VPS13D: variants seen among roughly 807,000 people sequenced by gnomAD.
VPS13D encodes the protein intermembrane lipid transfer protein VPS13D.
A neutral mutation model predicts 461.9 loss-of-function variants in VPS13D; 187 were observed. The ratio of observed to expected loss-of-function variants is 0.40; its 90% confidence interval spans 0.36 to 0.46. The LOEUF (loss-of-function observed/expected upper bound fraction) is 0.46, where lower values mean the gene tolerates loss of function less well. VPS13D is among the 20% of genes least tolerant of loss of function. The pLI is 0.60. For missense variants in VPS13D, 4,711 were observed against 5,364.9 expected, an observed-to-expected ratio of 0.88 and a Z score of 3.81; for synonymous variants, 1,951 against 1,986.3, an observed-to-expected ratio of 0.98 and a Z score of 0.47.
intron 63 of VPS13D, among the ~76,000 whole-genome samples, chr1:12,414,052 G>A (rs1644764774): frequency 6.6e-6 from 1 of 152,210 alleles, no homozygotes; most frequent in African/African-American, 2.4e-5. Flanking sequence ...GGGATGCCAA[G>A]GCAGGCGGAT....
intron 6 of VPS13D, among the ~76,000 whole-genome samples, chr1:12,251,643 AC>A (rs999004823): frequency 6.6e-6 from 1 of 152,122 alleles, no homozygotes; most frequent in African/African-American, 2.4e-5. Flanking sequence ...CATACTTGAG[AC>A]ACTCATAACT....
intron 5 of VPS13D, among the ~76,000 whole-genome samples, chr1:12,247,974 G>T (rs951280690): frequency 6.7e-6 from 1 of 150,326 alleles, no homozygotes; most frequent in Admixed American, 6.7e-5. Context: ...TGCAAACTCC[G>T]CCTCCCGGGT....
chr1:12,431,827 AC>A (rs914173306), intron 65 of VPS13D, among the ~76,000 whole-genome samples: 2 of 152,052 alleles, frequency 1.3e-5, no homozygotes, highest in Non-Finnish European at 2.9e-5. Context: ...CAGTGAGTAA[AC>A]CCATGCAAAA....
intron 55 of VPS13D, among the ~76,000 whole-genome samples, chr1:12,377,654 T>C (rs909272969): frequency 6.6e-6 from 1 of 151,536 alleles, no homozygotes; most frequent in Non-Finnish European, 1.5e-5. Context: ...ACCCTGTCTC[T>C]ACTAAAAATA....
Position 12,335,760 on chromosome 1 carries a change from G to A in VPS13D, c.8484G>A (p.Lys2828=). 1 of 1,614,098 alleles carries A rather than the reference G, an allele frequency of 6.2e-7. No homozygotes were observed. The highest frequency in any genetic ancestry group is 8.5e-7 in the Non-Finnish European group (1 of 1,179,976). The part of the protein sequence containing the change: ...SWMADYCKDD[K]DIESAKSEDW... ...TGGCAGATTACTGTAAAGATGACAA[G>A]GACATAGAGTCAGCTAAATCAGAAG... Residue 2828 remains lysine (K), a synonymous_variant, in exon 39 of 70, where the codon AAG becomes AAA. Coordinates refer to ENST00000620676, the MANE Select transcript of VPS13D (RefSeq NM_015378.4).
At chr1:12,456,177 G>A (rs764914354) in intron 66 of VPS13D, 47 bp downstream of exon 66, 4 of 1,571,754 alleles carry the variant, frequency 2.5e-6, no homozygotes, top group Non-Finnish European at 2.6e-6. Flanking sequence ...GTCCTCAGAG[G>A]CGCCTTTGTA....
In VPS13D at chr1:12,438,956, G is replaced by A. The variant is rs190007360; in HGVS notation, c.12334-17042G>A. On this transcript the variant is annotated intron_variant, in intron 65 of 69. Coordinates refer to ENST00000620676, the MANE Select transcript of VPS13D (RefSeq NM_015378.4). Reference sequence around the variant, plus strand: ...CATGTCCAGTCCCTCAGCAGATCCCGAATCTGAACATATCCCTCCCGCGCC... The same window carrying A: ...CATGTCCAGTCCCTCAGCAGATCCCAAATCTGAACATATCCCTCCCGCGCC... Among the ~76,000 whole-genome samples the A allele has an allele frequency of 3.4e-4, 52 of 152,198 alleles. 1 individual carries two copies. In the East Asian group the frequency reaches 8.9e-3, roughly 26 times the overall value.
chr1:12,440,144 A>C (rs1645111163), intron 65 of VPS13D, among the ~76,000 whole-genome samples: 1 of 152,112 alleles, frequency 6.6e-6, no homozygotes, highest in Admixed American at 6.5e-5. Flanking sequence ...GGCTCCTCTG[A>C]GAGAGAGAGG....
intron 65 of VPS13D, among the ~76,000 whole-genome samples, chr1:12,434,523 T>C (rs1382999074): frequency 6.6e-6 from 1 of 152,182 alleles, no homozygotes; most frequent in Non-Finnish European, 1.5e-5. Flanking sequence ...TTACACCTAC[T>C]TAAGGAAGAA....
At position 12,290,995 on chromosome 1, in the gene VPS13D, T is replaced by A. The variant is rs1642117365; in HGVS notation, c.5726-3T>A. 4.4e-6 allele frequency: 7 copies of A among 1,606,232 alleles called. No individual in the cohort carries two copies. The highest frequency in any genetic ancestry group is 5.9e-6 in the Non-Finnish European group (7 of 1,177,928). On this transcript the variant is annotated splice_polypyrimidine_tract_variant and splice_region_variant and intron_variant, in intron 22 of 69. Coordinates refer to ENST00000620676, the MANE Select transcript of VPS13D (RefSeq NM_015378.4). ...TAATGTGTTCTAACTTTATCATCCC[T>A]AGAGGGAGACCTGGCCTTACAGGGC...
At chr1:12,251,816 TC>T (rs1469762989) in intron 6 of VPS13D, among the ~76,000 whole-genome samples, 1 of 152,140 alleles carries the variant, frequency 6.6e-6, no homozygotes, top group East Asian at 1.9e-4. Context: ...GGCATAAACT[TC>T]CTTTCCTAAT....
intron 24 of VPS13D, among the ~76,000 whole-genome samples, chr1:12,296,063 T>G (rs908581471): frequency 8.5e-5 from 13 of 152,236 alleles, no homozygotes; most frequent in African/African-American, 3.1e-4. Context: ...TTTCATTCTG[T>G]GTATAAATGA....
At chr1:12,272,268 TG>T (rs1641465944) in intron 17 of VPS13D, among the ~76,000 whole-genome samples, 1 of 152,040 alleles carries the variant, frequency 6.6e-6, no homozygotes. Context: ...GGTGGCACAG[TG>T]AGAAAAAGTG....
intron 67 of VPS13D, among the ~76,000 whole-genome samples, chr1:12,493,201 A>AG (rs1645908722): frequency 6.6e-6 from 1 of 150,924 alleles, no homozygotes; most frequent in Non-Finnish European, 1.5e-5. Context: ...AAAAAAAAAA[A>AG]GGACTGGCCG....
At chr1:12,288,384 T>C (rs548971643) in intron 22 of VPS13D, 71 bp downstream of exon 22, 8 of 1,354,898 alleles carry the variant, frequency 5.9e-6, no homozygotes, top group Non-Finnish European at 8.5e-6. Context: ...TGATCACAAA[T>C]TGATTGTCCT....
rs970121998 is a variant in VPS13D at position 12,473,165 on chromosome 1, ATGGGTGTTT to A, written c.12662+12772_12662+12780del. On this transcript the variant is annotated intron_variant, in intron 67 of 69. Transcript: ENST00000620676. This position sits in a 1 kb window ranked among gnomAD's most constrained non-coding sequence, Gnocchi z 4.2. ...GACTGTACTTAGATCCTGGGTGCTG[ATGGGTGTTT>A]TGTAGTTTCCAAGGGAAGTTGCTGA... Among the ~76,000 whole-genome samples, 1 of 152,148 alleles carries A rather than the reference ATGGGTGTTT, an allele frequency of 6.6e-6. No homozygotes were observed. Among genetic ancestry groups the A allele is most frequent in the African/African-American group, 2.4e-5 (1 of 41,422 alleles).
At position 12,262,028 on chromosome 1, in the gene VPS13D, G is replaced by A. The variant is rs1397757560; in HGVS notation, c.1542G>A (p.Glu514=). 9 of 1,614,060 alleles carry A rather than the reference G, an allele frequency of 5.6e-6. No homozygotes were observed. In the Admixed American group the frequency reaches 1.0e-4, roughly 18 times the overall value. ...QRGTVTLLHK[E]QGTPQMNESA... is the part of the protein sequence containing the mutation. The stretch of plus-strand genomic sequence containing the variant: ...GTACAGTGACTCTGTTACACAAGGA[G>A]CAAGGAACTCCTCAAATGAATGAAA... Residue 514 remains glutamate (E), a synonymous_variant, in exon 13 of 70, where the codon GAG becomes GAA. Transcript: ENST00000620676.
chr1:12,287,007 C>A (rs937053046), intron 21 of VPS13D, among the ~76,000 whole-genome samples: 5 of 152,134 alleles, frequency 3.3e-5, no homozygotes, highest in African/African-American at 1.2e-4. Flanking sequence ...ATTACAGACA[C>A]CTGCCACCAT....
chr1:12,260,716 G>A lies in VPS13D; in HGVS notation c.1134G>A (p.Glu378=), dbSNP rs1641080797. The A allele has an allele frequency of 3.7e-6, 6 of 1,614,100 alleles. No homozygotes were observed. The highest frequency in any genetic ancestry group is 5.1e-6 in the Non-Finnish European group (6 of 1,180,012). ...DDKEEMCRIE[E]EQSFEELKIL... is the part of the protein sequence containing the mutation. The stretch of plus-strand genomic sequence containing the variant: ...AGGAGGAAATGTGTCGGATTGAAGA[G>A]GAACAGAGCTTTGAGGAATTGAAGA... Residue 378 remains glutamate (E), a synonymous_variant, in exon 11 of 70, where the codon GAG becomes GAA. Coordinates refer to ENST00000620676, the MANE Select transcript of VPS13D (RefSeq NM_015378.4).
Sources: gnomAD v4.1 joint callset for allele counts (sites outside exome capture counted in the v4.1 genomes callset) on GRCh38, gnomAD v4.1.1 for gene constraint, Gnocchi (gnomAD v3.1) non-coding constraint, MANE v1.5 for transcripts, NCBI Gene and HGNC (gene_info 2026-07-23, HGNC 2026-07-21) for gene names.